FARS2: variants seen among roughly 807,000 people sequenced by gnomAD.
FARS2 encodes the protein phenylalanine--tRNA ligase, mitochondrial.
A neutral mutation model predicts 46.4 loss-of-function variants in FARS2; 40 were observed. That is an observed-to-expected ratio of 0.86 (90% CI 0.67 to 1.12). The LOEUF is 1.12. Among genes scored for constraint, FARS2 ranks in the 50% most tolerant of loss-of-function variants. FARS2 has a pLI of 0.00. For synonymous variants in FARS2, 234 were observed against 214.9 expected, an observed-to-expected ratio of 1.09 and a Z score of -0.78; for missense variants, 513 against 567.9, an observed-to-expected ratio of 0.90 and a Z score of 0.98.
At chr6:5,556,937 T>C (rs1771695103) in intron 5 of FARS2, among the ~76,000 whole-genome samples, 2 of 152,118 alleles carry the variant, frequency 1.3e-5, no homozygotes, top group Admixed American at 1.3e-4. Flanking sequence ...TCTATCTGAC[T>C]GAAGAAGTTT....
At chr6:5,539,552 T>A (rs550271564) in intron 4 of FARS2, among the ~76,000 whole-genome samples, 3 of 152,018 alleles carry the variant, frequency 2.0e-5, no homozygotes, top group African/African-American at 7.2e-5. Flanking sequence ...ACATTTCTAA[T>A]AAACCAGCTC....
chr6:5,458,940 G>T (rs76567981), intron 4 of FARS2, among the ~76,000 whole-genome samples: 7,282 of 152,290 alleles, frequency 0.048, 201 homozygotes, highest in Middle Eastern at 0.068. Context: ...AACAAGGATG[G>T]TGGTAGTAGT....
At chr6:5,754,676 A>G (rs558676514) in intron 6 of FARS2, among the ~76,000 whole-genome samples, 6 of 152,352 alleles carry the variant, frequency 3.9e-5, no homozygotes, top group Non-Finnish European at 7.3e-5. Context: ...GTGTTCTAAA[A>G]TAACAGCTTA....
At chr6:5,265,507 A>C (rs989287842) in intron 1 of FARS2, among the ~76,000 whole-genome samples, 3 of 152,238 alleles carry the variant, frequency 2.0e-5, no homozygotes, top group African/African-American at 7.2e-5. Flanking sequence ...TTATTTATTC[A>C]GGTACTGATA....
intron 1 of FARS2, among the ~76,000 whole-genome samples, chr6:5,294,284 T>C (rs892772904): frequency 5.3e-5 from 8 of 151,986 alleles, no homozygotes; most frequent in African/African-American, 1.9e-4. Flanking sequence ...GGACCAGTGT[T>C]TAGAAAGGGA....
At chr6:5,367,898 A>G (rs1023751704) in intron 1 of FARS2, among the ~76,000 whole-genome samples, 24 of 152,186 alleles carry the variant, frequency 1.6e-4, no homozygotes, top group African/African-American at 1.9e-4. Flanking sequence ...TTTCTATTTT[A>G]TCTTTAAAAT....
chr6:5,478,375 A>C (rs534856919), intron 4 of FARS2, among the ~76,000 whole-genome samples: 2 of 152,300 alleles, frequency 1.3e-5, no homozygotes, highest in African/African-American at 4.8e-5. Flanking sequence ...TTATTTTCTT[A>C]CTATCTGATC....
chr6:5,484,620 G>T (rs1443543824), intron 4 of FARS2, among the ~76,000 whole-genome samples: 1 of 152,226 alleles, frequency 6.6e-6, no homozygotes, highest in Non-Finnish European at 1.5e-5. Context: ...GAAGTCTCAC[G>T]TGTAACCTCT....
chr6:5,369,275 A>G (rs1758888216), intron 2 of FARS2, 93 bp downstream of exon 2: 1 of 1,304,752 alleles, frequency 7.7e-7, no homozygotes, highest in South Asian at 1.4e-5. Context: ...CAGCATAGTC[A>G]TCCTTGCTTG....
chr6:5,420,271 T>G (rs768591612), intron 3 of FARS2, among the ~76,000 whole-genome samples: 2 of 152,100 alleles, frequency 1.3e-5, no homozygotes, highest in Non-Finnish European at 2.9e-5. Context: ...AGCCAAACCA[T>G]ATCATTCCAT....
In FARS2 at chr6:5,375,751, T is replaced by G. The variant is rs574828691; in HGVS notation, c.612+6569T>G. On this transcript the variant is annotated intron_variant, in intron 2 of 6. Coordinates refer to ENST00000274680, the MANE Select transcript of FARS2 (RefSeq NM_006567.5). ...GGGAGGTGATGGATTCTACATTAAT[T>G]GTTCTGAGACAGTTATCTCTATAGG... 2.2e-4 allele frequency among the ~76,000 whole-genome samples: 34 copies of G among 152,220 alleles called. 1 individual carries two copies. In the South Asian group the frequency reaches 4.4e-3, roughly 20 times the overall value.
At chr6:5,449,331 AGAGT>A (rs1421511446) in intron 4 of FARS2, among the ~76,000 whole-genome samples, 3 of 144,550 alleles carry the variant, frequency 2.1e-5, no homozygotes, top group East Asian at 2.1e-4. Context: ...CCTGGCTGAC[AGAGT>A]GAGTAAGACT....
chr6:5,682,151 AT>A lies in FARS2; in HGVS notation c.1217+68832del, dbSNP rs1239169344. On this transcript the variant is annotated intron_variant, in intron 6 of 6. Coordinates refer to ENST00000274680, the MANE Select transcript of FARS2 (RefSeq NM_006567.5). The stretch of plus-strand genomic sequence containing the variant: ...AAGCAAATTATAGTACATCACCTTG[AT>A]GGAATATTACCTAGCTGTTAAAAAT... 1.5e-4 allele frequency among the ~76,000 whole-genome samples: 23 copies of A among 152,262 alleles called. 1 individual carries two copies. Among genetic ancestry groups the A allele is most frequent in the Non-Finnish European group, 1.5e-5 (1 of 68,042 alleles).
intron 1 of FARS2, among the ~76,000 whole-genome samples, chr6:5,332,458 C>T (rs1303547994): frequency 2.0e-5 from 3 of 152,106 alleles, no homozygotes; most frequent in African/African-American, 7.2e-5. Flanking sequence ...CATAGAAAGG[C>T]TAATGGAAAG....
intron 1 of FARS2, among the ~76,000 whole-genome samples, chr6:5,284,162 C>A (rs66646775): frequency 0.24 from 36,601 of 152,110 alleles, 5,106 homozygotes; most frequent in African/African-American, 0.38. Context: ...CACCTTGTTA[C>A]AGCTTTCAGA....
At chr6:5,659,528 T>G (rs1468264166) in intron 6 of FARS2, among the ~76,000 whole-genome samples, 3 of 152,248 alleles carry the variant, frequency 2.0e-5, no homozygotes, top group African/African-American at 7.2e-5. Context: ...ATATACTGTT[T>G]CAGCTTCTTA....
intron 4 of FARS2, among the ~76,000 whole-genome samples, chr6:5,496,645 T>C: frequency 6.6e-6 from 1 of 152,184 alleles, no homozygotes; most frequent in East Asian, 1.9e-4. Flanking sequence ...TCACATGGTC[T>C]TTCCCTCTGT....
intron 4 of FARS2, among the ~76,000 whole-genome samples, chr6:5,519,158 G>A (rs1157109956): frequency 6.6e-6 from 1 of 152,164 alleles, no homozygotes; most frequent in East Asian, 1.9e-4. Flanking sequence ...CTAACCCTGA[G>A]TATATGAGCT....
intron 6 of FARS2, among the ~76,000 whole-genome samples, chr6:5,614,632 C>A (rs1775373468): frequency 6.6e-6 from 1 of 152,178 alleles, no homozygotes; most frequent in South Asian, 2.1e-4. Context: ...ATCTCCTGAC[C>A]TCATGATCCG....
Sources: allele counts gnomAD v4.1 joint callset (sites outside exome capture counted in the v4.1 genomes callset), GRCh38; gene constraint gnomAD v4.1.1; transcripts MANE v1.5; gene names NCBI Gene and HGNC (gene_info 2026-07-23, HGNC 2026-07-21).